Variants in PKP4 observed in about 807,000 individuals in gnomAD.
PKP4 encodes plakophilin-4.
In PKP4, 90 loss-of-function variants were observed where a neutral mutation model predicts 145.1. That is an observed-to-expected ratio of 0.62 (90% confidence interval 0.52 to 0.74). The LOEUF is 0.74. PKP4 is among the 30% of genes least tolerant of loss of function. The probability of loss-of-function intolerance (pLI) is 0.00; values close to 1 mark genes in which losing one functional copy is unlikely to be tolerated. For synonymous variants in PKP4, 563 were observed against 577.2 expected (o/e 0.98, Z 0.35); for missense variants, 1,340 against 1,482.7 (o/e 0.90, Z 1.58).
At chr2:158,602,495 A>T (rs1232950215) in intron 3 of PKP4, among the ~76,000 whole-genome samples, 1 of 152,176 alleles carries the variant, frequency 6.6e-6, no homozygotes, top group Admixed American at 6.5e-5. Flanking sequence ...GGAGGCACTG[A>T]TATGTTTTTA....
Position 158,565,962 on chromosome 2 carries a change from A to G in PKP4, c.133-11309A>G, listed in dbSNP as rs137929678. Among the ~76,000 whole-genome samples the G allele has an allele frequency of 4.5e-3, 686 of 152,332 alleles. 4 individuals carry two copies. Among genetic ancestry groups the G allele is most frequent in the African/African-American group, 0.015 (639 of 41,570 alleles). On this transcript the variant is annotated intron_variant, in intron 2 of 21. Coordinates refer to ENST00000389759, the MANE Select transcript of PKP4 (RefSeq NM_003628.6). ...CTTGTACCTCTTGAGCCAGCTACCC[A>G]GCATTCCCAAGGAACCATTTAATTG...
At chr2:158,532,231 G>T (rs373679547) in intron 1 of PKP4, among the ~76,000 whole-genome samples, 69 of 152,314 alleles carry the variant, frequency 4.5e-4, no homozygotes, top group South Asian at 3.7e-3. Context: ...AATATTTATA[G>T]TCTCAGATGT....
At chr2:158,631,295 C>G (rs1021804609) in intron 7 of PKP4, among the ~76,000 whole-genome samples, 1 of 151,994 alleles carries the variant, frequency 6.6e-6, no homozygotes, top group Non-Finnish European at 1.5e-5. Flanking sequence ...TGGCATTTCT[C>G]TTTGGTAAAA....
intron 1 of PKP4, among the ~76,000 whole-genome samples, chr2:158,528,568 A>G (rs1207488779): frequency 7.4e-6 from 1 of 135,086 alleles, no homozygotes; most frequent in East Asian, 2.3e-4. Flanking sequence ...GCGCACCAGC[A>G]TGGCACATGT....
intron 1 of PKP4, among the ~76,000 whole-genome samples, chr2:158,502,931 GGTC>G (rs1696803982): frequency 6.6e-6 from 1 of 152,186 alleles, no homozygotes; most frequent in African/African-American, 2.4e-5. Flanking sequence ...TCTGCTCTGT[GGTC>G]GTCTATTTAT....
At chr2:158,635,772 C>T (rs2053760089) in intron 9 of PKP4, among the ~76,000 whole-genome samples, 1 of 152,120 alleles carries the variant, frequency 6.6e-6, no homozygotes. Context: ...ACTGATAATG[C>T]ATTTCGTAAG....
At chr2:158,594,657 A>T (rs2049562554) in intron 3 of PKP4, among the ~76,000 whole-genome samples, 1 of 152,166 alleles carries the variant, frequency 6.6e-6, no homozygotes, top group African/African-American at 2.4e-5. Context: ...TCAGTGAAAA[A>T]CCAGGAATTT....
In PKP4 at chr2:158,649,144, A is replaced by AT. The variant is rs563334540; in HGVS notation, c.1909+6447dup. ...TCTATTATGAATAGACCAATTCTCA[A>AT]TTGGTAGAGAACTTTGAACTGGAAA... On this transcript the variant is annotated intron_variant, in intron 11 of 21. Coordinates refer to ENST00000389759, the MANE Select transcript of PKP4 (RefSeq NM_003628.6). Among the ~76,000 whole-genome samples the AT allele has an allele frequency of 2.6e-4, 39 of 152,348 alleles. No homozygotes were observed. The South Asian group carries it at 6.2e-3, about 24-fold the overall frequency.
chr2:158,487,556 G>A (rs1156248093), intron 1 of PKP4, among the ~76,000 whole-genome samples: 2 of 152,138 alleles, frequency 1.3e-5, no homozygotes, highest in Admixed American at 6.5e-5. Context: ...GTACCCATGA[G>A]TTTAAAGTTT....
chr2:158,567,397 C>T (rs961531046), intron 2 of PKP4, among the ~76,000 whole-genome samples: 1 of 152,076 alleles, frequency 6.6e-6, no homozygotes, highest in African/African-American at 2.4e-5. Context: ...TATTTGGGGG[C>T]CAGACTATAC....
At chr2:158,546,830 C>A (rs6752146) in intron 2 of PKP4, among the ~76,000 whole-genome samples, 138,728 of 152,218 alleles carry the variant, frequency 0.91, 63,295 homozygotes, top group East Asian at 0.98. Flanking sequence ...AGAGGATTGG[C>A]TTCACAGAGA....
At chr2:158,459,812 C>CAT (rs397828709) in intron 1 of PKP4, among the ~76,000 whole-genome samples, 6 of 151,124 alleles carry the variant, frequency 4.0e-5, no homozygotes. Flanking sequence ...CACACACACA[C>CAT]GACACACACA....
intron 1 of PKP4, among the ~76,000 whole-genome samples, chr2:158,520,771 T>A (rs1469353028): frequency 5.9e-5 from 9 of 152,230 alleles, no homozygotes; most frequent in African/African-American, 1.9e-4. Context: ...TTGCCACCTA[T>A]GCATGCGTTC....
intron 2 of PKP4, among the ~76,000 whole-genome samples, chr2:158,544,773 A>T (rs904990445): frequency 2.0e-5 from 3 of 152,194 alleles, no homozygotes; most frequent in African/African-American, 7.2e-5. Flanking sequence ...GTGTTGGATG[A>T]GTTCATGTTC....
chr2:158,648,666 C>G (rs1270745364), intron 11 of PKP4, among the ~76,000 whole-genome samples: 1 of 152,154 alleles, frequency 6.6e-6, no homozygotes, highest in Non-Finnish European at 1.5e-5. Context: ...CTCCCAATTC[C>G]CAGCCCAAAT....
chr2:158,589,493 G>GCCCCACCT (rs893418716), intron 3 of PKP4, among the ~76,000 whole-genome samples: 6 of 152,116 alleles, frequency 3.9e-5, no homozygotes, highest in African/African-American at 1.4e-4. Flanking sequence ...CTCGTCTCCA[G>GCCCCACCT]CCCCACCTCC....
At chr2:158,529,201 T>A (rs901794261) in intron 1 of PKP4, among the ~76,000 whole-genome samples, 52 of 152,344 alleles carry the variant, frequency 3.4e-4, no homozygotes, top group African/African-American at 1.2e-3. Context: ...TTAATTTTGA[T>A]TCCAAATATA....
intron 11 of PKP4, among the ~76,000 whole-genome samples, chr2:158,644,588 A>T (rs919235983): frequency 1.2e-4 from 18 of 152,362 alleles, no homozygotes; most frequent in African/African-American, 4.1e-4. Context: ...CACATAACAG[A>T]TACATGCAGC....
chr2:158,607,243 T>C (rs1225584077), intron 4 of PKP4, among the ~76,000 whole-genome samples: 3 of 152,208 alleles, frequency 2.0e-5, no homozygotes, highest in Admixed American at 1.3e-4. Context: ...CTAGAGAATA[T>C]AGAAGTACAA....
Sources: gnomAD v4.1 joint callset for allele counts (sites outside exome capture counted in the v4.1 genomes callset) on GRCh38, gnomAD v4.1.1 for gene constraint, MANE v1.5 for transcripts, NCBI Gene and HGNC (gene_info 2026-07-23, HGNC 2026-07-21) for gene names.